The following FGD5 variants were observed in gnomAD, a reference collection of about 807,000 sequenced individuals.
FGD5 encodes FYVE, RhoGEF and PH domain-containing protein 5.
FGD5 carries 28 observed loss-of-function variants against 133.4 expected under a neutral mutation model. The ratio of observed to expected loss-of-function variants is 0.21; its 90% CI spans 0.16 to 0.29. FGD5 has a LOEUF of 0.29. FGD5 is among the 10% of genes least tolerant of loss of function. The pLI, the probability that FGD5 is intolerant of heterozygous loss-of-function variation, is 1.00. For missense variants in FGD5, 1,858 were observed against 1,895.2 expected (o/e 0.98, Z 0.36); for synonymous variants, 810 against 776.5 (o/e 1.04, Z -0.72).
At chr3:14,828,484 T>C (rs1045552896) in intron 1 of FGD5, among the ~76,000 whole-genome samples, 2 of 152,186 alleles carry the variant, frequency 1.3e-5, no homozygotes, top group South Asian at 2.1e-4. Flanking sequence ...ATGGAGGAGA[T>C]GGGGTTGAAA....
chr3:14,819,464 G>C lies in FGD5; in HGVS notation c.393G>C (p.Leu131=), dbSNP rs530614699. 4 of 1,551,152 alleles carry C rather than the reference G, an allele frequency of 2.6e-6. No homozygotes were observed. The highest frequency in any genetic ancestry group is 3.5e-6 in the Non-Finnish European group (4 of 1,146,894). ...CTGCTGCTCCGGGTGCAGGAGCGCT[G>C]AGCAGGGAGGGTGAGGAAGGCACAG... ...VAPAAPGAGA[L]SREGEEGTDL... The change falls in exon 1 of 20, where the codon CTG becomes CTC. Residue 131 remains leucine, a synonymous_variant. Transcript: ENST00000285046. This position sits in a 1 kb window ranked among gnomAD's most constrained non-coding sequence, Gnocchi z 4.1.
At chr3:14,897,863 C>T in intron 5 of FGD5, 76 bp from the exon 6 acceptor site, 1 of 1,576,078 alleles carries the variant, frequency 6.3e-7, no homozygotes, top group Non-Finnish European at 8.6e-7. Context: ...GGATGTGACT[C>T]CAGGCCCCCT....
At chr3:14,852,493 G>A (rs2037183179) in intron 1 of FGD5, among the ~76,000 whole-genome samples, 1 of 152,278 alleles carries the variant, frequency 6.6e-6, no homozygotes, top group Non-Finnish European at 1.5e-5. Flanking sequence ...ATTAGATAAC[G>A]GTGTTGGCCA....
intron 18 of FGD5, 54 bp downstream of exon 18, chr3:14,926,252 T>G: frequency 6.2e-7 from 1 of 1,603,960 alleles, no homozygotes; most frequent in Admixed American, 1.7e-5. Flanking sequence ...AATGACCCCC[T>G]GGGGCCTGCA....
intron 1 of FGD5, among the ~76,000 whole-genome samples, chr3:14,863,437 G>C (rs545900970): frequency 6.6e-6 from 1 of 152,172 alleles, no homozygotes; most frequent in South Asian, 2.1e-4. Context: ...TGTTTTACTC[G>C]ATGCCTAGCC....
At chr3:14,863,279 T>G (rs1490230825) in intron 1 of FGD5, among the ~76,000 whole-genome samples, 1 of 152,204 alleles carries the variant, frequency 6.6e-6, no homozygotes, top group African/African-American at 2.4e-5. Flanking sequence ...TGAAGGTTTT[T>G]GGGCAGGAGA....
chr3:14,826,802 A>G (rs1420038483), intron 1 of FGD5, among the ~76,000 whole-genome samples: 1 of 152,130 alleles, frequency 6.6e-6, no homozygotes, highest in Admixed American at 6.6e-5. Context: ...ACTGTTCTGC[A>G]TGGGTTTGAC....
In FGD5 at chr3:14,820,562, CCCTGAAGAAACCGGA is replaced by C. The variant is rs1276786115; in HGVS notation, c.1497_1511del (p.Glu500_Glu504del). The C allele has an allele frequency of 6.2e-7, 1 of 1,612,288 alleles. No individual in the cohort carries two copies. The highest frequency in any genetic ancestry group is 8.5e-7 in the Non-Finnish European group (1 of 1,178,988). ...TGGCCGGCTATGTCCCAGAAACCGT[CCCTGAAGAAACCGGA>C]CCTGAGGCGGGCTCGTCAGCCCCTG... is the stretch of plus-strand genomic sequence containing the variant. On this transcript the variant is annotated inframe_deletion, in exon 1 of 20. Transcript: ENST00000285046.
chr3:14,871,099 T>G (rs1253427364), intron 2 of FGD5, among the ~76,000 whole-genome samples: 1 of 152,204 alleles, frequency 6.6e-6, no homozygotes, highest in Non-Finnish European at 1.5e-5. Context: ...TCAATTTGAA[T>G]GTCACCTCCT....
chr3:14,867,022 C>T (rs1012021319), intron 2 of FGD5, among the ~76,000 whole-genome samples: 1 of 152,188 alleles, frequency 6.6e-6, no homozygotes, highest in African/African-American at 2.4e-5. Flanking sequence ...GACATCCGTG[C>T]CCTCCTCCCC....
Position 14,918,754 on chromosome 3 carries a change from G to C in FGD5, c.3490G>C (p.Val1164Leu). 6.2e-7 allele frequency: 1 copy of C among 1,613,968 alleles called. No homozygotes were observed. The highest frequency in any genetic ancestry group is 8.5e-7 in the Non-Finnish European group (1 of 1,179,888). The change falls in exon 13 of 20, where the codon GTC (valine) becomes CTC (leucine). Residue 1164 changes from valine (V) to leucine (L), a missense_variant and splice_region_variant. Physicochemically the swap from Val to Leu is conservative, Grantham distance 32. This residue lies in a region of FGD5 where 1,824 missense variants were observed against 1,848.9 expected (regional missense o/e 0.99). Transcript: ENST00000285046. ...KNTLAVANMKVSRPVMEKVPY... is the reference protein window; with the variant it reads ...KNTLAVANMKLSRPVMEKVPY... ...AAGGAGGCTGCTGTTGGTTTTCCAG[G>C]TCAGCCGCCCTGTGATGGAGAAAGT...
At chr3:14,858,393 G>GGATGGATGGATA (rs912960714) in intron 1 of FGD5, among the ~76,000 whole-genome samples, 5 of 151,492 alleles carry the variant, frequency 3.3e-5, no homozygotes, top group South Asian at 4.2e-4. Flanking sequence ...ATGGATGGAT[G>GGATGGATGGATA]GATAGATAGA....
At chr3:14,913,152 T>C (rs1448979937) in intron 11 of FGD5, among the ~76,000 whole-genome samples, 1 of 152,184 alleles carries the variant, frequency 6.6e-6, no homozygotes, top group East Asian at 1.9e-4. Context: ...CTGTGACCCT[T>C]AGACAACTCA....
chr3:14,863,172 G>C (rs569452310), intron 1 of FGD5, among the ~76,000 whole-genome samples: 2 of 152,344 alleles, frequency 1.3e-5, no homozygotes, highest in South Asian at 4.1e-4. Context: ...CAGAGGGCAG[G>C]AGTATTTGGT....
At chr3:14,845,926 A>G (rs2037041903) in intron 1 of FGD5, among the ~76,000 whole-genome samples, 1 of 152,188 alleles carries the variant, frequency 6.6e-6, no homozygotes, top group African/African-American at 2.4e-5. Context: ...CAACAGGTAG[A>G]CATGAAGGAT....
chr3:14,812,082 GAA>G (rs1242378944), intron 1 of FGD5, among the ~76,000 whole-genome samples: 1 of 151,556 alleles, frequency 6.6e-6, no homozygotes, highest in African/African-American at 2.4e-5. Flanking sequence ...TCTTTTTAAT[GAA>G]AAAAAGTCAT....
chr3:14,930,967 ATTTTG>A (rs1288162532), intron 18 of FGD5: 3 of 151,962 alleles, frequency 2.0e-5, no homozygotes, highest in East Asian at 1.9e-4. Flanking sequence ...TCTAGTAGTT[ATTTTG>A]TTTTTTTTCT....
chr3:14,921,863 G>C, intron 13 of FGD5, 55 bp from the exon 14 acceptor site: 1 of 1,511,480 alleles, frequency 6.6e-7, no homozygotes, highest in South Asian at 1.2e-5. Flanking sequence ...TGCCGAGATG[G>C]AGGGTGGGAG....
At position 14,933,142 on chromosome 3, in the gene FGD5, C is replaced by T; in HGVS notation, c.4364C>T (p.Ala1455Val). ...DTNSAQRWIEAMEDASVL is the reference protein window; with the variant it reads ...DTNSAQRWIEVMEDASVL ...GTTTTGTTTTATAGGTGGATCGAGG[C>T]CATGGAAGATGCGAGTGTGTTATAG... Residue 1455 changes from alanine (A) to valine (V), a missense_variant, in exon 20 of 20, where the codon GCC becomes GTC. Ala to Val is a moderately conservative substitution (Grantham distance 64). This residue lies in a region of FGD5 where 1,824 missense variants were observed against 1,848.9 expected (regional missense o/e 0.99). Transcript: ENST00000285046. The T allele has an allele frequency of 6.2e-7, 1 of 1,613,588 alleles. No homozygotes were observed. Among genetic ancestry groups the T allele is most frequent in the Non-Finnish European group, 8.5e-7 (1 of 1,179,762 alleles).
Sources: allele counts gnomAD v4.1 joint callset (sites outside exome capture counted in the v4.1 genomes callset), GRCh38; gene constraint gnomAD v4.1.1; regional missense constraint gnomAD v4.1.1; non-coding constraint Gnocchi (gnomAD v3.1); transcripts MANE v1.5; gene names NCBI Gene and HGNC (gene_info 2026-07-23, HGNC 2026-07-21).